TMED5: variants seen among roughly 807,000 people sequenced by gnomAD.
TMED5 encodes the protein transmembrane emp24 domain-containing protein 5.
TMED5 carries 27 observed loss-of-function variants against 23.0 expected under a neutral mutation model. The observed-to-expected ratio is 1.17, with a 90% CI of 0.86 to 1.62. TMED5 has a LOEUF of 1.62. Among genes scored for constraint, TMED5 ranks in the 40% most tolerant of loss-of-function variants. TMED5 has a pLI of 0.00. For missense variants in TMED5, 248 were observed against 273.7 expected (o/e 0.91, Z 0.66); for synonymous variants, 97 against 100.8 (o/e 0.96, Z 0.23).
At chr1:93,165,646 CCA>C (rs1368231091) in intron 1 of TMED5, among the ~76,000 whole-genome samples, 1 of 152,192 alleles carries the variant, frequency 6.6e-6, no homozygotes, top group African/African-American at 2.4e-5. Context: ...TGCATATTAA[CCA>C]CATAGTGTAA....
At chr1:93,177,769 C>T (rs946331109) in intron 1 of TMED5, among the ~76,000 whole-genome samples, 11 of 152,004 alleles carry the variant, frequency 7.2e-5, no homozygotes, top group African/African-American at 2.7e-4. Context: ...CTACTTTACA[C>T]TGAATATGAG....
At chr1:93,172,595 C>T (rs1033936708) in intron 1 of TMED5, among the ~76,000 whole-genome samples, 7 of 152,126 alleles carry the variant, frequency 4.6e-5, no homozygotes, top group East Asian at 1.9e-4. Context: ...TTGAGACCAG[C>T]GGAGTTACAC....
chr1:93,168,449 A>G (rs527804797), intron 1 of TMED5, among the ~76,000 whole-genome samples: 1 of 152,362 alleles, frequency 6.6e-6, no homozygotes, highest in East Asian at 1.9e-4. Context: ...AGAAAGATAT[A>G]CCGTGTTAAC....
chr1:93,172,046 T>C (rs1313107978), intron 1 of TMED5, among the ~76,000 whole-genome samples: 2 of 152,128 alleles, frequency 1.3e-5, no homozygotes, highest in Non-Finnish European at 2.9e-5. Context: ...CTTAGCAAAC[T>C]AGGAATAGAG....
intron 2 of TMED5, among the ~76,000 whole-genome samples, chr1:93,159,141 G>A (rs1648180078): frequency 6.6e-6 from 1 of 152,018 alleles, no homozygotes; most frequent in South Asian, 2.1e-4. Context: ...GGTTAACAAA[G>A]ACCAATAATT....
rs1191697337 is a variant in TMED5, at chr1:93,152,417, A to T, written c.*2253T>A. 1 of 152,268 alleles carries T rather than the reference A, an allele frequency of 6.6e-6. No individual in the cohort carries two copies. The highest frequency in any genetic ancestry group is 2.4e-5 in the African/African-American group (1 of 41,450). 9.4% of individuals were successfully genotyped at this position (152,268 alleles called of 1,614,324 possible). ...AGCAGATAAACAGTATGTCTTTAGA[A>T]ATATTAAAGATTTTTACTCTGTTTA... On this transcript the variant is annotated 3_prime_UTR_variant, in exon 4 of 4. Coordinates refer to ENST00000370282, the MANE Select transcript of TMED5 (RefSeq NM_016040.5).
chr1:93,151,290 CTGGA>C lies in TMED5; in HGVS notation c.*3376_*3379del. 1 of 152,282 alleles carries C rather than the reference CTGGA, an allele frequency of 6.6e-6. No homozygotes were observed. The highest frequency in any genetic ancestry group is 1.5e-5 in the Non-Finnish European group (1 of 68,036). 9.4% of individuals were successfully genotyped at this position (152,282 alleles called of 1,614,324 possible). On this transcript the variant is annotated 3_prime_UTR_variant, in exon 4 of 4. Transcript: ENST00000370282. ...AGCTTGTGGTAGAAGAGTGGCTTGT[CTGGA>C]TGGTTTGAGGGAAATGACCAAATAA...
intron 1 of TMED5, among the ~76,000 whole-genome samples, chr1:93,177,182 T>G (rs547160079): frequency 2.7e-4 from 41 of 152,298 alleles, no homozygotes; most frequent in African/African-American, 9.9e-4. Flanking sequence ...GGGTGGAAGA[T>G]GATAGTTACC....
At chr1:93,169,881 G>GTACACACA (rs1553159701) in intron 1 of TMED5, among the ~76,000 whole-genome samples, 1 of 34,786 alleles carries the variant, frequency 2.9e-5, no homozygotes, top group African/African-American at 9.2e-5. Flanking sequence ...GACCCTGTCT[G>GTACACACA]TACACACACA....
intron 1 of TMED5, among the ~76,000 whole-genome samples, chr1:93,169,928 C>G (rs899017222): frequency 7.4e-5 from 10 of 134,762 alleles, no homozygotes; most frequent in African/African-American, 2.7e-4. Flanking sequence ...CAAAATTAGG[C>G]AGGCATGGTG....
rs200442858 is a variant in TMED5, at chr1:93,153,332, A to AC, written c.*1337_*1338insG. 7.8e-3 allele frequency: 1,188 copies of AC among 152,288 alleles called. 21 individuals carry two copies. The highest frequency in any genetic ancestry group is 0.027 in the African/African-American group (1,134 of 41,564). The allele number at this position is 152,288 out of a possible 1,614,324, so 9.4% of individuals were successfully genotyped here. ...CTATGTTTCTAATCCTTACTTCAAC[A>AC]TCAATAAATAAAGTGTTCAGAAAGG... On this transcript the variant is annotated 3_prime_UTR_variant, in exon 4 of 4. Transcript: ENST00000370282.
At chr1:93,173,973 T>C (rs1006678973) in intron 1 of TMED5, among the ~76,000 whole-genome samples, 3 of 152,208 alleles carry the variant, frequency 2.0e-5, no homozygotes, top group African/African-American at 7.2e-5. Flanking sequence ...TTGTTTTTTT[T>C]TTGAGATGGA....
chr1:93,156,262 T>A, intron 3 of TMED5, 38 bp downstream of exon 3: 3 of 1,561,820 alleles, frequency 1.9e-6, no homozygotes, highest in Non-Finnish European at 2.6e-6. Context: ...GGCCTCTGGC[T>A]GTTAATAATT....
At chr1:93,179,706 T>C (rs1299437794) in intron 1 of TMED5, among the ~76,000 whole-genome samples, 2 of 152,240 alleles carry the variant, frequency 1.3e-5, no homozygotes, top group Non-Finnish European at 2.9e-5. Flanking sequence ...CAGTTCTGCA[T>C]TGTGAAATTC....
chr1:93,164,953 T>C (rs11164876), intron 1 of TMED5, among the ~76,000 whole-genome samples: 93,886 of 152,164 alleles, frequency 0.62, 29,383 homozygotes, highest in South Asian at 0.69. Context: ...CCCTCTTACT[T>C]GCTCTGATGA....
chr1:93,164,748 T>C (rs1243905377), intron 1 of TMED5, among the ~76,000 whole-genome samples: 1 of 152,188 alleles, frequency 6.6e-6, no homozygotes, highest in Admixed American at 6.5e-5. Flanking sequence ...ACATAGGATA[T>C]AGCCCCATTG....
intron 2 of TMED5, among the ~76,000 whole-genome samples, chr1:93,159,036 A>G (rs990633471): frequency 2.5e-4 from 38 of 152,330 alleles, no homozygotes; most frequent in African/African-American, 8.2e-4. Context: ...TTAAATGAGT[A>G]TCTTAAAAAA....
intron 1 of TMED5, among the ~76,000 whole-genome samples, chr1:93,172,558 A>G (rs1335802094): frequency 6.6e-6 from 1 of 152,226 alleles, no homozygotes; most frequent in Admixed American, 6.5e-5. Flanking sequence ...CAGGAGGCTG[A>G]GATGGGAGGA....
chr1:93,154,751 T>C lies in TMED5; in HGVS notation c.609A>G (p.Leu203=), dbSNP rs147557786. 8.1e-4 allele frequency: 1,312 copies of C among 1,614,130 alleles called. 17 individuals are homozygous for C. In the South Asian group the frequency reaches 0.012, roughly 14 times the overall value. The part of the protein sequence containing the change: ...DRVNFWSMVN[L]VVMVVVSAIQ... ...TGGCTGACACCACCACCATGACCAC[T>C]AAATTAACCATAGACCAGAAATTGA... Residue 203 remains leucine, a synonymous_variant, in exon 4 of 4, where the codon TTA becomes TTG. Transcript: ENST00000370282.
Sources: gnomAD v4.1 joint callset for allele counts (sites outside exome capture counted in the v4.1 genomes callset) on GRCh38, gnomAD v4.1.1 for gene constraint, MANE v1.5 for transcripts, NCBI Gene and HGNC (gene_info 2026-07-23, HGNC 2026-07-21) for gene names.